Variants in NUP35 observed in about 807,000 individuals in gnomAD.
NUP35 encodes the protein nucleoporin 35.
A neutral mutation model predicts 41.5 loss-of-function variants in NUP35; 25 were observed. That is an observed-to-expected ratio of 0.60 (90% CI 0.44 to 0.84). The LOEUF is 0.84. Among genes scored for constraint, NUP35 ranks in the 40% least tolerant of loss-of-function variants. The pLI is 0.00. For missense variants in NUP35, 396 were observed against 396.6 expected, an observed-to-expected ratio of 1.00 and a Z score of 0.01; for synonymous variants, 149 against 130.7, an observed-to-expected ratio of 1.14 and a Z score of -0.96.
chr2:183,135,831 C>A (rs1684855908), intron 4 of NUP35, among the ~76,000 whole-genome samples: 1 of 151,936 alleles, frequency 6.6e-6, no homozygotes, highest in South Asian at 2.1e-4. Flanking sequence ...TCACTGCACT[C>A]CAGCTTGGGT....
At chr2:183,137,622 A>G (rs1369202777) in intron 4 of NUP35, among the ~76,000 whole-genome samples, 1 of 151,886 alleles carries the variant, frequency 6.6e-6, no homozygotes, top group Non-Finnish European at 1.5e-5. Context: ...TCCCAGGGAC[A>G]TTGAAAATCC....
intron 4 of NUP35, among the ~76,000 whole-genome samples, chr2:183,141,686 C>T (rs1685102617): frequency 6.6e-6 from 1 of 151,868 alleles, no homozygotes; most frequent in Non-Finnish European, 1.5e-5. Flanking sequence ...CCGTTTGTTC[C>T]CTTTATTTTA....
At chr2:183,138,255 A>ATG (rs1461905512) in intron 4 of NUP35, among the ~76,000 whole-genome samples, 23 of 45,176 alleles carry the variant, frequency 5.1e-4, no homozygotes, top group African/African-American at 1.8e-3. Context: ...CTATATATAT[A>ATG]TATATATATA....
intron 1 of NUP35, chr2:183,118,422 T>C (rs1233788872): frequency 6.6e-6 from 1 of 152,236 alleles, no homozygotes; most frequent in Non-Finnish European, 1.5e-5. Flanking sequence ...ATTAGAACTA[T>C]AAACAGGTCT....
intron 4 of NUP35, among the ~76,000 whole-genome samples, chr2:183,136,193 T>C (rs1461944686): frequency 6.6e-6 from 1 of 152,260 alleles, no homozygotes; most frequent in East Asian, 1.9e-4. Context: ...ACATTTTTAC[T>C]TGGGTGTTAA....
intron 5 of NUP35, among the ~76,000 whole-genome samples, chr2:183,154,108 C>T (rs1273159732): frequency 6.6e-6 from 1 of 152,140 alleles, no homozygotes; most frequent in East Asian, 1.9e-4. Flanking sequence ...ATACAGGGCA[C>T]CAAGTCCCTA....
intron 4 of NUP35, among the ~76,000 whole-genome samples, chr2:183,145,361 T>C (rs78763160): frequency 0.054 from 8,195 of 152,320 alleles, 282 homozygotes; most frequent in Middle Eastern, 0.082. Flanking sequence ...CAGTTGAGCA[T>C]TGAAAATCTG....
intron 4 of NUP35, among the ~76,000 whole-genome samples, chr2:183,134,766 C>T (rs965344390): frequency 2.6e-5 from 4 of 151,646 alleles, no homozygotes; most frequent in African/African-American, 9.7e-5. Context: ...CAGGTGCTCG[C>T]CACTGCGCCT....
chr2:183,156,171 C>G (rs760230194), intron 5 of NUP35, among the ~76,000 whole-genome samples: 8 of 152,126 alleles, frequency 5.3e-5, no homozygotes, highest in African/African-American at 7.2e-5. Flanking sequence ...AAGTACTTCC[C>G]TCACTTGCAG....
intron 1 of NUP35, among the ~76,000 whole-genome samples, chr2:183,126,795 C>A (rs1310934867): frequency 6.6e-6 from 1 of 152,018 alleles, no homozygotes; most frequent in East Asian, 1.9e-4. Flanking sequence ...AATAAAAAAC[C>A]ATACAAATAA....
chr2:183,128,413 GC>G lies in NUP35; in HGVS notation c.170del (p.Pro57LeufsTer3). On this transcript the variant is annotated frameshift_variant, in exon 2 of 9. Coordinates refer to ENST00000295119, the MANE Select transcript of NUP35 (RefSeq NM_138285.5). LOFTEE classifies it high-confidence loss of function. ...PVTPQPRSIS[G>X]PSVGVMEMRS... ...ACTCCACAACCTCGATCAATTAGTG[GC>G]CCTTCAGTAGGAGTAATGGAAATGA... 6.2e-7 allele frequency: 1 copy of G among 1,613,804 alleles called. No homozygotes were observed. The highest frequency in any genetic ancestry group is 8.5e-7 in the Non-Finnish European group (1 of 1,179,872).
intron 5 of NUP35, among the ~76,000 whole-genome samples, chr2:183,152,110 A>AACACACACACACACACAC (rs67798004): frequency 4.4e-5 from 5 of 113,394 alleles, no homozygotes; most frequent in African/African-American, 1.5e-4. Flanking sequence ...AACATTTACA[A>AACACACACACACACACAC]ACACACACAC....
chr2:183,124,645 G>A, intron 1 of NUP35, 148 bp downstream of exon 1: 2 of 1,010,940 alleles, frequency 2.0e-6, no homozygotes, highest in Non-Finnish European at 3.0e-6. Context: ...GTTCATAGTC[G>A]GTCCCCTACT....
At chr2:183,149,912 T>A (rs999906423) in intron 4 of NUP35, among the ~76,000 whole-genome samples, 3 of 152,086 alleles carry the variant, frequency 2.0e-5, no homozygotes, top group Non-Finnish European at 4.4e-5. Flanking sequence ...TTTTTTTTAA[T>A]TTTTTTATTT....
chr2:183,121,915 T>TTTTTTATTA (rs143821626), upstream of NUP35, among the ~76,000 whole-genome samples: 1 of 145,322 alleles, frequency 6.9e-6, no homozygotes, highest in Non-Finnish European at 1.5e-5. Context: ...GGCCATTCTT[T>TTTTTTATTA]TTATTATTAT....
intron 4 of NUP35, among the ~76,000 whole-genome samples, chr2:183,136,053 A>G (rs946013985): frequency 4.6e-5 from 7 of 152,200 alleles, no homozygotes; most frequent in South Asian, 2.1e-4. Context: ...GTCTGTGAGC[A>G]CTCATTGGCC....
chr2:183,130,987 T>C, intron 3 of NUP35: 1 of 1,147,450 alleles, frequency 8.7e-7, no homozygotes, highest in Non-Finnish European at 1.2e-6. Flanking sequence ...ATTTTCTTCT[T>C]TTTTTAGGGT....
At chr2:183,146,884 C>T (rs934257814) in intron 4 of NUP35, among the ~76,000 whole-genome samples, 2 of 152,156 alleles carry the variant, frequency 1.3e-5, no homozygotes, top group Non-Finnish European at 2.9e-5. Context: ...ATGTGAGCCA[C>T]TGCGCTTGGC....
chr2:183,141,654 A>G (rs1394472287), intron 4 of NUP35, among the ~76,000 whole-genome samples: 1 of 151,880 alleles, frequency 6.6e-6, no homozygotes, highest in Non-Finnish European at 1.5e-5. Context: ...TTTTTTTTCT[A>G]TTAAGTCTAA....
Sources: gnomAD v4.1 joint callset for allele counts (sites outside exome capture counted in the v4.1 genomes callset) on GRCh38, gnomAD v4.1.1 for gene constraint, MANE v1.5 for transcripts, NCBI Gene and HGNC (gene_info 2026-07-23, HGNC 2026-07-21) for gene names.